Variants in EBF1 observed in about 807,000 individuals in gnomAD.
The protein encoded by EBF1 is EBF transcription factor 1.
In EBF1, 10 loss-of-function variants were observed where a neutral mutation model predicts 68.4. The ratio of observed to expected loss-of-function variants is 0.15; its 90% CI spans 0.09 to 0.25. The LOEUF is 0.25. Ranked by LOEUF, EBF1 falls within the 10% of genes least tolerant of loss-of-function variation. The probability of loss-of-function intolerance (pLI) is 1.00; values close to 1 mark genes in which losing one functional copy is unlikely to be tolerated. For missense variants in EBF1, 509 were observed against 794.4 expected, an observed-to-expected ratio of 0.64 and a Z score of 4.32; for synonymous variants, 298 against 299.8, an observed-to-expected ratio of 0.99 and a Z score of 0.06.
At chr5:158,715,337 T>C (rs1760418595) in intron 11 of EBF1, among the ~76,000 whole-genome samples, 4 of 152,238 alleles carry the variant, frequency 2.6e-5, no homozygotes, top group Admixed American at 2.6e-4. Context: ...AATAGGGAGA[T>C]AATCGCATTC....
chr5:159,095,797 C>T (rs1479944712), intron 3 of EBF1, 122 bp from the exon 4 acceptor site: 1 of 994,516 alleles, frequency 1.0e-6, no homozygotes, highest in South Asian at 1.5e-5. Flanking sequence ...ACGAAAGGGG[C>T]TCCAAGGCTG....
chr5:159,056,468 T>C (rs1033846148), intron 6 of EBF1, among the ~76,000 whole-genome samples: 5 of 152,186 alleles, frequency 3.3e-5, no homozygotes, highest in Non-Finnish European at 4.4e-5. Flanking sequence ...CCTTCTGGAA[T>C]CATTCTCCTG....
In EBF1 at chr5:158,883,156, C is replaced by T. The variant is rs184524918; in HGVS notation, c.555-43046G>A. Among the ~76,000 whole-genome samples the T allele has an allele frequency of 7.9e-5, 12 of 152,016 alleles. 1 individual carries two copies. The East Asian group carries it at 2.3e-3, about 29-fold the overall frequency. On this transcript the variant is annotated intron_variant, in intron 6 of 15. Coordinates refer to ENST00000313708, the MANE Select transcript of EBF1 (RefSeq NM_024007.5). ...AGCTGTCACCAGAGAGAGGTACATT[C>T]ATTTTTGAAATGTGTGTATCTGTGT... is the stretch of plus-strand genomic sequence containing the variant.
chr5:159,030,030 A>T (rs1342468081), intron 6 of EBF1, among the ~76,000 whole-genome samples: 4 of 151,834 alleles, frequency 2.6e-5, no homozygotes, highest in Non-Finnish European at 5.9e-5. Context: ...AAATGAAAAA[A>T]CCTCAATTTT....
At chr5:158,712,113 A>T in intron 14 of EBF1, 41 bp downstream of exon 14, 2 of 1,605,618 alleles carry the variant, frequency 1.2e-6, no homozygotes, top group Admixed American at 3.4e-5. Flanking sequence ...AAGTTCTTCT[A>T]GCGAAACGTG....
chr5:158,835,245 A>G (rs919869769), intron 7 of EBF1, among the ~76,000 whole-genome samples: 3 of 152,216 alleles, frequency 2.0e-5, no homozygotes, highest in Admixed American at 6.5e-5. Context: ...ATTTCTTAGC[A>G]GACTACTCTG....
At chr5:158,735,788 A>G (rs1249565466) in intron 10 of EBF1, among the ~76,000 whole-genome samples, 1 of 152,202 alleles carries the variant, frequency 6.6e-6, no homozygotes, top group South Asian at 2.1e-4. Context: ...GGATCTCATC[A>G]TCTCAGAGTC....
intron 8 of EBF1, among the ~76,000 whole-genome samples, chr5:158,819,153 T>C (rs1318595841): frequency 6.6e-6 from 1 of 152,158 alleles, no homozygotes; most frequent in Non-Finnish European, 1.5e-5. Context: ...AAAATACATA[T>C]ATCCCCTTTA....
In EBF1 at chr5:159,065,335, T is replaced by C. The variant is rs187257139; in HGVS notation, c.554+8061A>G. On this transcript the variant is annotated intron_variant, in intron 6 of 15. Coordinates refer to ENST00000313708, the MANE Select transcript of EBF1 (RefSeq NM_024007.5). ...CTCCTCGGCATGCACCAGCAGAGTC[T>C]AAGTCGCGTGCACCACCCGGCAAAG... Among the ~76,000 whole-genome samples the C allele has an allele frequency of 5.2e-4, 79 of 152,242 alleles. 1 individual carries two copies. Among genetic ancestry groups the C allele is most frequent in the African/African-American group, 1.8e-3 (75 of 41,560 alleles).
At chr5:158,904,610 C>T (rs1365049375) in intron 6 of EBF1, among the ~76,000 whole-genome samples, 1 of 152,170 alleles carries the variant, frequency 6.6e-6, no homozygotes, top group African/African-American at 2.4e-5. Flanking sequence ...TAGTTGGGAA[C>T]CGAAATTAGA....
At chr5:158,856,647 T>C (rs1446815114) in intron 6 of EBF1, among the ~76,000 whole-genome samples, 1 of 152,182 alleles carries the variant, frequency 6.6e-6, no homozygotes, top group Non-Finnish European at 1.5e-5. Flanking sequence ...TACATTTTTT[T>C]AGTCCTCACA....
intron 6 of EBF1, among the ~76,000 whole-genome samples, chr5:159,023,892 G>T (rs955162210): frequency 6.6e-6 from 1 of 152,188 alleles, no homozygotes; most frequent in African/African-American, 2.4e-5. Context: ...GGGCAAACAG[G>T]AGGAGTGGAA....
intron 6 of EBF1, among the ~76,000 whole-genome samples, chr5:158,923,402 T>C (rs978493622): frequency 3.9e-5 from 6 of 152,224 alleles, no homozygotes; most frequent in Non-Finnish European, 8.8e-5. Context: ...AATGAATCCA[T>C]CTTTCAGTTA....
rs563415662 is a variant in EBF1 at position 159,074,344 on chromosome 5, T to A, written c.486-880A>T. On this transcript the variant is annotated intron_variant, in intron 5 of 15. Coordinates refer to ENST00000313708, the MANE Select transcript of EBF1 (RefSeq NM_024007.5). ...AAGTACAATGGTCAACAGAAAACGA[T>A]CCATCTGAAACTTGTTTGCAAATAA... 1.3e-4 allele frequency among the ~76,000 whole-genome samples: 20 copies of A among 152,298 alleles called. No individual in the cohort carries two copies. The East Asian group carries it at 1.5e-3, about 12-fold the overall frequency.
In EBF1 at chr5:158,714,107, C is replaced by T. The variant is rs755651580; in HGVS notation, c.1191+10G>A. 24 of 1,614,048 alleles carry T rather than the reference C, an allele frequency of 1.5e-5. No individual in the cohort carries two copies. The highest frequency in any genetic ancestry group is 2.0e-5 in the Non-Finnish European group (24 of 1,179,976). On this transcript the variant is annotated intron_variant, in intron 12 of 15. Transcript: ENST00000313708. ...GCAGTCCACACAGGCTAGACACCCA[C>T]AGCGCTCACCTGGTTGTTGTGTGGC...
intron 8 of EBF1, among the ~76,000 whole-genome samples, chr5:158,810,294 G>A (rs910209370): frequency 1.3e-5 from 2 of 152,142 alleles, no homozygotes; most frequent in African/African-American, 4.8e-5. Context: ...GCACATAGTA[G>A]GTGCTCAGTA....
At chr5:159,057,104 C>CTTTTTTTT (rs1205129627) in intron 6 of EBF1, among the ~76,000 whole-genome samples, 19 of 110,638 alleles carry the variant, frequency 1.7e-4, no homozygotes, top group East Asian at 4.8e-4. Flanking sequence ...CTTTTCTTTT[C>CTTTTTTTT]TTTTTTTTTT....
intron 9 of EBF1, among the ~76,000 whole-genome samples, chr5:158,785,420 T>C (rs958052042): frequency 1.3e-5 from 2 of 152,204 alleles, no homozygotes; most frequent in Non-Finnish European, 2.9e-5. Context: ...CTGAAGTGGC[T>C]ACCACATAAA....
chr5:159,012,065 G>A (rs561147777), intron 6 of EBF1, among the ~76,000 whole-genome samples: 1 of 152,174 alleles, frequency 6.6e-6, no homozygotes, highest in South Asian at 2.1e-4. Context: ...AAGGCAGGCG[G>A]ATCACAAGGT....
Sources: gnomAD v4.1 joint callset for allele counts (sites outside exome capture counted in the v4.1 genomes callset) on GRCh38, gnomAD v4.1.1 for gene constraint, MANE v1.5 for transcripts, NCBI Gene and HGNC (gene_info 2026-07-23, HGNC 2026-07-21) for gene names.